TRAF7: variants seen among roughly 807,000 people sequenced by gnomAD.
The protein encoded by TRAF7 is E3 ubiquitin-protein ligase TRAF7.
In TRAF7, 45 loss-of-function variants were observed where a neutral mutation model predicts 89.3. That is an observed-to-expected ratio of 0.50 (90% CI 0.40 to 0.65). TRAF7 has a LOEUF of 0.65. Ranked by LOEUF, TRAF7 falls within the 30% of genes least tolerant of loss-of-function variation. The probability of loss-of-function intolerance (pLI) is 0.00; values close to 1 mark genes in which losing one functional copy is unlikely to be tolerated. For missense variants in TRAF7, 677 were observed against 918.1 expected (o/e 0.74, Z 3.39); for synonymous variants, 406 against 369.2 (o/e 1.10, Z -1.14).
intron 2 of TRAF7, among the ~76,000 whole-genome samples, chr16:2,165,585 T>C (rs1247303466): frequency 7.3e-6 from 1 of 137,724 alleles, no homozygotes; most frequent in African/African-American, 2.8e-5. Flanking sequence ...CCTGGCCTGG[T>C]CGCATGGTTA....
intron 2 of TRAF7, 86 bp from the exon 3 acceptor site, chr16:2,165,793 C>T (rs1267677188): frequency 1.1e-5 from 17 of 1,515,664 alleles, no homozygotes; most frequent in Admixed American, 1.7e-5. Flanking sequence ...GGCCTGGTCG[C>T]GTGTTAGGCA....
At chr16:2,174,402 C>T (rs1011780104) in intron 14 of TRAF7, 69 bp downstream of exon 14, 11 of 1,506,016 alleles carry the variant, frequency 7.3e-6, no homozygotes, top group East Asian at 7.0e-5. Context: ...CCCCGTGGGC[C>T]GTGAGCCATG....
rs542927662 is a variant in TRAF7, at chr16:2,158,844, T to C, written c.-39+2986T>C. Among the ~76,000 whole-genome samples the C allele has an allele frequency of 2.6e-5, 4 of 151,294 alleles. No individual in the cohort carries two copies. The South Asian group carries it at 6.3e-4, about 24-fold the overall frequency. The stretch of plus-strand genomic sequence containing the variant: ...CTGTTTCTGAGAGTCTGAGGCCCAC[T>C]TGACTTGGGTGAGAGCCAGGAACGC... On this transcript the variant is annotated intron_variant, in intron 1 of 20. Coordinates refer to ENST00000326181, the MANE Select transcript of TRAF7 (RefSeq NM_032271.3). The surrounding 1 kb of genome is among the most constrained non-coding windows in gnomAD (Gnocchi z 4.7).
intron 12 of TRAF7, 23 bp downstream of exon 12, chr16:2,173,859 T>TGGGGGGGCCCCCCCCCCCC: frequency 8.0e-7 from 1 of 1,246,250 alleles, no homozygotes; most frequent in Non-Finnish European, 1.1e-6. Flanking sequence ...CCGCCGTGGC[T>TGGGGGGGCCCCCCCCCCCC]CCCGCCCACC....
Position 2,175,053 on chromosome 16 carries a change from G to A in TRAF7, c.1347-58G>A, listed in dbSNP as rs117213079. The A allele has an allele frequency of 7.7e-3, 12,448 of 1,610,212 alleles. 88 individuals carry two copies. The highest frequency in any genetic ancestry group is 0.023 in the Middle Eastern group (142 of 6,058). ...GGCATGGACCTCGGGCCCTGCCAGG[G>A]CGGTGTCAGCATGGACACAGCTTCT... On this transcript the variant is annotated intron_variant, in intron 14 of 20. Coordinates refer to ENST00000326181, the MANE Select transcript of TRAF7 (RefSeq NM_032271.3).
chr16:2,161,487 G>T lies in TRAF7; in HGVS notation c.-38-2396G>T, dbSNP rs1410828785. Among the ~76,000 whole-genome samples, 2 of 152,166 alleles carry T rather than the reference G, an allele frequency of 1.3e-5. No homozygotes were observed. Among genetic ancestry groups the T allele is most frequent in the Non-Finnish European group, 2.9e-5 (2 of 68,026 alleles). The stretch of plus-strand genomic sequence containing the variant: ...GAGGCCAGCCCGACCCATCCCAGGG[G>T]AGTGCCTGCTGGGGTCCTGGCCACC... On this transcript the variant is annotated intron_variant, in intron 1 of 20. Coordinates refer to ENST00000326181, the MANE Select transcript of TRAF7 (RefSeq NM_032271.3). The surrounding 1 kb of genome is among the most constrained non-coding windows in gnomAD (Gnocchi z 5.2).
Position 2,178,105 on chromosome 16 carries a change from A to G in TRAF7, c.*1531A>G, listed in dbSNP as rs1338402226. 9.9e-6 allele frequency: 5 copies of G among 506,194 alleles called. No homozygotes were observed. The highest frequency in any genetic ancestry group is 1.9e-5 in the African/African-American group (1 of 51,674). The allele number at this position is 506,194 out of a possible 1,614,324, so 31.4% of individuals were successfully genotyped here. The stretch of plus-strand genomic sequence containing the variant: ...GGAAATCCGCCTCAGCTCATTCCCA[A>G]TAAATTAATACTCTTGATAGCTTAT... On this transcript the variant is annotated 3_prime_UTR_variant, in exon 21 of 21. Coordinates refer to ENST00000326181, the MANE Select transcript of TRAF7 (RefSeq NM_032271.3).
intron 12 of TRAF7, 23 bp downstream of exon 12, chr16:2,173,859 T>TTGGGGGGGCC: frequency 1.6e-6 from 2 of 1,246,238 alleles, no homozygotes; most frequent in Non-Finnish European, 2.2e-6. Context: ...CCGCCGTGGC[T>TTGGGGGGGCC]CCCGCCCACC....
chr16:2,169,183 T>C (rs1396926959), intron 4 of TRAF7, among the ~76,000 whole-genome samples: 2 of 152,120 alleles, frequency 1.3e-5, no homozygotes, highest in African/African-American at 2.4e-5. Context: ...GGTTTCTCCA[T>C]GTTGGTCAGG....
At chr16:2,156,014 G>C (rs1178206856) in intron 1 of TRAF7, among the ~76,000 whole-genome samples, 156 bp downstream of exon 1, 1 of 151,328 alleles carries the variant, frequency 6.6e-6, no homozygotes, top group African/African-American at 2.4e-5. Context: ...GTCGGGGTCG[G>C]GGTCAGGGTC....
chr16:2,174,153 C>G (rs2093125628), intron 13 of TRAF7, 98 bp from the exon 14 acceptor site: 1 of 1,596,850 alleles, frequency 6.3e-7, no homozygotes, highest in Admixed American at 1.7e-5. Flanking sequence ...GGGCAGGGCC[C>G]TCTCCCATGG....
intron 4 of TRAF7, among the ~76,000 whole-genome samples, chr16:2,169,848 C>G (rs1425707670): frequency 6.6e-6 from 1 of 152,214 alleles, no homozygotes; most frequent in East Asian, 1.9e-4. Context: ...GGTTTCATAC[C>G]CAGGCTGCCG....
chr16:2,172,635 G>GC, intron 9 of TRAF7, 36 bp downstream of exon 9: 127 of 1,273,004 alleles, frequency 1.0e-4, no homozygotes, highest in Non-Finnish European at 1.3e-4. Flanking sequence ...GCCGGGGTGG[G>GC]CGCAGGCCCT....
chr16:2,176,948 G>A lies in TRAF7; in HGVS notation c.*374G>A. On this transcript the variant is annotated 3_prime_UTR_variant, in exon 21 of 21. Coordinates refer to ENST00000326181, the MANE Select transcript of TRAF7 (RefSeq NM_032271.3). ...TGCTCCACAGACTGTGGCTGTGAGTGGGGACAGCTCCTCGGGACAAGGGGG... is the reference window on the plus strand; with the variant it reads ...TGCTCCACAGACTGTGGCTGTGAGTAGGGACAGCTCCTCGGGACAAGGGGG... The A allele has an allele frequency of 2.3e-6, 1 of 443,284 alleles. No individual in the cohort carries two copies. The highest frequency in any genetic ancestry group is 4.2e-6 in the Non-Finnish European group (1 of 237,804). 27.5% of individuals were successfully genotyped at this position (443,284 alleles called of 1,614,324 possible).
intron 9 of TRAF7, among the ~76,000 whole-genome samples, chr16:2,172,976 T>C (rs984324098): frequency 6.6e-6 from 1 of 151,640 alleles, no homozygotes; most frequent in African/African-American, 2.4e-5. Context: ...CTTGAAGAGC[T>C]CTGCGGGGGT....
chr16:2,168,054 A>AC lies in TRAF7; in HGVS notation c.140-22dup, dbSNP rs1217215959. Reference sequence around the variant, plus strand: ...ATCTGCTGAGGGAGCCCCCACTGAGACGCCAGCCCTCTTGCCTTGCAGCTG... The same window carrying AC: ...ATCTGCTGAGGGAGCCCCCACTGAGACCGCCAGCCCTCTTGCCTTGCAGCTG... On this transcript the variant is annotated intron_variant, in intron 3 of 20. Transcript: ENST00000326181. The surrounding 1 kb of genome is among the most constrained non-coding windows in gnomAD (Gnocchi z 4.1). The AC allele has an allele frequency of 2.5e-6, 4 of 1,607,086 alleles. No individual in the cohort carries two copies. The East Asian group carries it at 6.7e-5, about 27-fold the overall frequency.
intron 7 of TRAF7, 35 bp from the exon 8 acceptor site, chr16:2,172,156 C>T (rs1335552094): frequency 1.2e-6 from 2 of 1,611,182 alleles, no homozygotes; most frequent in African/African-American, 1.3e-5. Flanking sequence ...GTGTGCCAGG[C>T]AGGCCGTGAG....
rs938573360 is a variant in TRAF7, at chr16:2,162,933, G to T, written c.-38-950G>T. Among the ~76,000 whole-genome samples the T allele has an allele frequency of 2.0e-5, 3 of 152,158 alleles. No individual in the cohort carries two copies. The highest frequency in any genetic ancestry group is 7.2e-5 in the African/African-American group (3 of 41,454). The stretch of plus-strand genomic sequence containing the variant: ...CAAGTCCTGAAAGTGGGACCTGCTC[G>T]GGAGGAGGGGCGCCTGCTGACAGAG... On this transcript the variant is annotated intron_variant, in intron 1 of 20. Coordinates refer to ENST00000326181, the MANE Select transcript of TRAF7 (RefSeq NM_032271.3). This position sits in a 1 kb window ranked among gnomAD's most constrained non-coding sequence, Gnocchi z 5.0.
rs923050277 is a variant in TRAF7, at chr16:2,177,401, G to C, written c.*827G>C. On this transcript the variant is annotated 3_prime_UTR_variant, in exon 21 of 21. Transcript: ENST00000326181. ...CCTCCACCCGCCCCACACCACAATC[G>C]CTGGTTTTCGGCATTTTTTAAATTT... 2 of 232,530 alleles carry C rather than the reference G, an allele frequency of 8.6e-6. No homozygotes were observed. The highest frequency in any genetic ancestry group is 2.2e-5 in the African/African-American group (1 of 45,212). 14.4% of individuals were successfully genotyped at this position (232,530 alleles called of 1,614,324 possible).
Sources: allele counts gnomAD v4.1 joint callset (sites outside exome capture counted in the v4.1 genomes callset), GRCh38; gene constraint gnomAD v4.1.1; non-coding constraint Gnocchi (gnomAD v3.1); transcripts MANE v1.5; gene names NCBI Gene and HGNC (gene_info 2026-07-23, HGNC 2026-07-21).